SLC9A9: variants seen among roughly 807,000 people sequenced by gnomAD.
SLC9A9 encodes the protein solute carrier family 9 member A9.
SLC9A9 carries 62 observed loss-of-function variants against 77.8 expected under a neutral mutation model. The observed-to-expected ratio is 0.80, with a 90% CI of 0.65 to 0.98. SLC9A9 has a LOEUF of 0.98. Ranked by LOEUF, SLC9A9 falls within the 50% of genes least tolerant of loss-of-function variation. The probability of loss-of-function intolerance (pLI) is 0.00; values close to 1 mark genes in which losing one functional copy is unlikely to be tolerated. For missense variants in SLC9A9, 775 were observed against 774.9 expected (o/e 1.00, Z 0.00); for synonymous variants, 320 against 283.5 (o/e 1.13, Z -1.29).
intron 4 of SLC9A9, among the ~76,000 whole-genome samples, chr3:143,763,762 C>A (rs1034445265): frequency 5.3e-5 from 8 of 151,492 alleles, no homozygotes; most frequent in Admixed American, 5.3e-4. Flanking sequence ...TGGAATATGG[C>A]TCAGGATCTC....
chr3:143,801,129 A>G (rs1034438181), intron 2 of SLC9A9, among the ~76,000 whole-genome samples: 4 of 152,276 alleles, frequency 2.6e-5, no homozygotes, highest in Non-Finnish European at 4.4e-5. Context: ...CCTTGAAGAC[A>G]GATTTAGAGA....
chr3:143,390,360 T>C (rs1434471892), intron 12 of SLC9A9, among the ~76,000 whole-genome samples: 1 of 152,232 alleles, frequency 6.6e-6, no homozygotes, highest in African/African-American at 2.4e-5. Context: ...ATCACTTACT[T>C]GTGTGACTAT....
intron 6 of SLC9A9, among the ~76,000 whole-genome samples, chr3:143,613,827 T>A (rs1576610815): frequency 6.6e-6 from 1 of 152,306 alleles, no homozygotes; most frequent in East Asian, 1.9e-4. Flanking sequence ...TTTCTACTGC[T>A]AAATTGCTTT....
At chr3:143,564,371 C>T (rs2037134934) in intron 8 of SLC9A9, among the ~76,000 whole-genome samples, 2 of 152,084 alleles carry the variant, frequency 1.3e-5, no homozygotes, top group African/African-American at 4.8e-5. Flanking sequence ...CAGAATACTG[C>T]ATTTTTGGAC....
At chr3:143,830,876 A>G (rs549785819) in intron 2 of SLC9A9, among the ~76,000 whole-genome samples, 1 of 152,300 alleles carries the variant, frequency 6.6e-6, no homozygotes, top group South Asian at 2.1e-4. Context: ...TCTTTATTTC[A>G]GAAATACATT....
chr3:143,314,476 T>C (rs943803341), intron 14 of SLC9A9: 1 of 152,356 alleles, frequency 6.6e-6, no homozygotes, highest in East Asian at 1.9e-4. Flanking sequence ...GAAAGGGGAT[T>C]GTGTGAGTGA....
chr3:143,640,959 T>C (rs953961714), intron 6 of SLC9A9, among the ~76,000 whole-genome samples: 3 of 152,174 alleles, frequency 2.0e-5, no homozygotes, highest in African/African-American at 7.2e-5. Context: ...TTACACAGCA[T>C]AACAACAGCT....
At chr3:143,358,013 G>T (rs1237468500) in intron 14 of SLC9A9, among the ~76,000 whole-genome samples, 1 of 128,850 alleles carries the variant, frequency 7.8e-6, no homozygotes, top group East Asian at 2.3e-4. Flanking sequence ...AGGAGGGGAA[G>T]GTTTTTCTTT....
intron 4 of SLC9A9, among the ~76,000 whole-genome samples, chr3:143,776,407 T>C (rs536403969): frequency 5.0e-4 from 76 of 152,316 alleles, no homozygotes; most frequent in Non-Finnish European, 8.8e-4. Flanking sequence ...AATGGACTGA[T>C]ACAGTGGAGT....
rs1296312209 is a variant in SLC9A9, at chr3:143,733,589, C to T, written c.534-40282G>A. On this transcript the variant is annotated intron_variant, in intron 4 of 15. Coordinates refer to ENST00000316549, the MANE Select transcript of SLC9A9 (RefSeq NM_173653.4). Reference sequence around the variant, plus strand: ...AGAGTAGAAAGAGGGGTGTGAGGTGCCCACACAGATGAGCCTGAGGCAACT... The same window carrying T: ...AGAGTAGAAAGAGGGGTGTGAGGTGTCCACACAGATGAGCCTGAGGCAACT... Among the ~76,000 whole-genome samples, 3 of 152,134 alleles carry T rather than the reference C, an allele frequency of 2.0e-5. No individual in the cohort carries two copies. The East Asian group carries it at 5.8e-4, about 29-fold the overall frequency.
At chr3:143,446,907 CAT>C (rs1186044936) in intron 12 of SLC9A9, among the ~76,000 whole-genome samples, 4 of 151,800 alleles carry the variant, frequency 2.6e-5, no homozygotes, top group South Asian at 2.1e-4. Context: ...TGCATGCACA[CAT>C]GTGTGCACAC....
At chr3:143,369,091 C>T (rs1285325922) in intron 13 of SLC9A9, among the ~76,000 whole-genome samples, 1 of 152,086 alleles carries the variant, frequency 6.6e-6, no homozygotes, top group Non-Finnish European at 1.5e-5. Context: ...ACACAGAGAT[C>T]TCACAGATAG....
At chr3:143,628,151 T>C (rs1036939095) in intron 6 of SLC9A9, among the ~76,000 whole-genome samples, 1 of 152,098 alleles carries the variant, frequency 6.6e-6, no homozygotes, top group Non-Finnish European at 1.5e-5. Flanking sequence ...GCAGAAGCTG[T>C]TTTCCTAAGG....
chr3:143,819,744 A>T (rs981710781), intron 2 of SLC9A9, among the ~76,000 whole-genome samples: 1 of 152,254 alleles, frequency 6.6e-6, no homozygotes, highest in Non-Finnish European at 1.5e-5. Context: ...CCAATTAGTC[A>T]TAATAGTAAG....
intron 4 of SLC9A9, among the ~76,000 whole-genome samples, chr3:143,792,842 T>G (rs2008262980): frequency 6.6e-6 from 1 of 152,192 alleles, no homozygotes; most frequent in Non-Finnish European, 1.5e-5. Flanking sequence ...ACCTCTTAAA[T>G]GGTACCCATT....
chr3:143,628,336 G>T (rs9810826), intron 6 of SLC9A9, among the ~76,000 whole-genome samples: 41,549 of 152,064 alleles, frequency 0.27, 5,764 homozygotes, highest in Middle Eastern at 0.31. Flanking sequence ...GCCTAGCCTA[G>T]CCTACCTTAA....
intron 3 of SLC9A9, among the ~76,000 whole-genome samples, chr3:143,796,096 A>G (rs1368090729): frequency 1.3e-5 from 2 of 152,208 alleles, no homozygotes; most frequent in Admixed American, 6.5e-5. Context: ...CTCAAAAACC[A>G]CGTGGGCTGG....
chr3:143,693,819 C>A (rs1261422463), intron 4 of SLC9A9, among the ~76,000 whole-genome samples: 1 of 152,148 alleles, frequency 6.6e-6, no homozygotes, highest in African/African-American at 2.4e-5. Context: ...TGTCAGGACA[C>A]TTCCACACTG....
At chr3:143,422,233 C>A (rs1331005452) in intron 12 of SLC9A9, among the ~76,000 whole-genome samples, 1 of 152,112 alleles carries the variant, frequency 6.6e-6, no homozygotes, top group African/African-American at 2.4e-5. Context: ...GTTATCCCAG[C>A]AATCCTGTTA....
Sources: gnomAD v4.1 joint callset for allele counts (sites outside exome capture counted in the v4.1 genomes callset) on GRCh38, gnomAD v4.1.1 for gene constraint, MANE v1.5 for transcripts, NCBI Gene and HGNC (gene_info 2026-07-23, HGNC 2026-07-21) for gene names.